HHAT: variants seen among roughly 807,000 people sequenced by gnomAD.
The protein encoded by HHAT is hedgehog acyltransferase.
A neutral mutation model predicts 70.8 loss-of-function variants in HHAT; 47 were observed. The observed-to-expected ratio is 0.66, with a 90% CI of 0.53 to 0.85. The LOEUF (loss-of-function observed/expected upper bound fraction) is 0.85. Ranked by LOEUF, HHAT falls within the 40% of genes least tolerant of loss-of-function variation. The probability of loss-of-function intolerance (pLI) is 0.00; values close to 1 mark genes in which losing one functional copy is unlikely to be tolerated. For missense variants in HHAT, 609 were observed against 604.8 expected, an observed-to-expected ratio of 1.01 and a Z score of -0.07; for synonymous variants, 228 against 247.6, an observed-to-expected ratio of 0.92 and a Z score of 0.74.
At chr1:210,442,705 T>C (rs1194295238) in intron 7 of HHAT, among the ~76,000 whole-genome samples, 1 of 152,238 alleles carries the variant, frequency 6.6e-6, no homozygotes, top group Non-Finnish European at 1.5e-5. Context: ...GTTGTTTGTT[T>C]CTTTCTTGTA....
At chr1:210,388,579 T>A (rs552986392) in intron 4 of HHAT, among the ~76,000 whole-genome samples, 1 of 152,288 alleles carries the variant, frequency 6.6e-6, no homozygotes, top group African/African-American at 2.4e-5. Flanking sequence ...AAGTGGCTGC[T>A]GAACTGGCAA....
chr1:210,329,037 A>G lies in HHAT; in HGVS notation c.-111A>G. On this transcript the variant is annotated 5_prime_UTR_variant, in exon 1 of 12. Transcript: ENST00000261458. ...TGTCGCTGGGACTCGGAAGTGCCGA[A>G]AGAGGGGTGTTGGGAACTCGCGGCG... The G allele has an allele frequency of 7.0e-7, 1 of 1,428,392 alleles. No homozygotes were observed. Among genetic ancestry groups the G allele is most frequent in the East Asian group, 3.0e-5 (1 of 33,132 alleles). 88.5% of individuals were successfully genotyped at this position (1,428,392 alleles called of 1,614,324 possible).
At chr1:210,436,207 T>C (rs1336794713) in intron 7 of HHAT, among the ~76,000 whole-genome samples, 7 of 151,868 alleles carry the variant, frequency 4.6e-5, no homozygotes, top group African/African-American at 1.7e-4. Context: ...CACCATTTAT[T>C]GAAGAGAGTG....
intron 11 of HHAT, among the ~76,000 whole-genome samples, chr1:210,663,941 T>G (rs2148966811): frequency 6.6e-6 from 1 of 152,362 alleles, no homozygotes; most frequent in African/African-American, 2.4e-5. Flanking sequence ...AAGTGACAGC[T>G]GACCATTTTT....
intron 3 of HHAT, among the ~76,000 whole-genome samples, chr1:210,366,078 G>GCAC (rs953918276): frequency 6.6e-6 from 1 of 152,050 alleles, no homozygotes; most frequent in Non-Finnish European, 1.5e-5. Flanking sequence ...CTACAGACAT[G>GCAC]CACCACCATA....
At chr1:210,502,241 G>A (rs557145698) in intron 8 of HHAT, among the ~76,000 whole-genome samples, 121 of 151,642 alleles carry the variant, frequency 8.0e-4, no homozygotes, top group African/African-American at 2.4e-3. Flanking sequence ...AAAATTAGCC[G>A]GGAGTGGTGG....
At chr1:210,359,971 C>T (rs1213124057) in intron 2 of HHAT, among the ~76,000 whole-genome samples, 1 of 152,202 alleles carries the variant, frequency 6.6e-6, no homozygotes, top group East Asian at 1.9e-4. Context: ...TTAAATTTCT[C>T]TATTGCAATT....
Position 210,464,805 on chromosome 1 carries a change from G to A in HHAT, c.1007+150G>A, listed in dbSNP as rs2094064517. 5.4e-6 allele frequency: 4 copies of A among 740,818 alleles called. No homozygotes were observed. In the African/African-American group the frequency reaches 7.1e-5, roughly 13 times the overall value. 45.9% of individuals were successfully genotyped at this position (740,818 alleles called of 1,614,324 possible). The stretch of plus-strand genomic sequence containing the variant: ...CATTTCTTCATCCTACTAACAGGAT[G>A]ACTAATCCATGCTTTCTGGGTCTCT... On this transcript the variant is annotated intron_variant, in intron 8 of 11. Transcript: ENST00000261458.
At chr1:210,374,250 C>CA (rs1020727377) in intron 3 of HHAT, 2 of 141,522 alleles carry the variant, frequency 1.4e-5, no homozygotes, top group Non-Finnish European at 3.1e-5. Context: ...TTTATTCGAT[C>CA]TGAAGAGAAA....
At chr1:210,384,367 C>T (rs910165451) in intron 3 of HHAT, among the ~76,000 whole-genome samples, 4 of 152,042 alleles carry the variant, frequency 2.6e-5, no homozygotes, top group South Asian at 2.1e-4. Context: ...TGGTACGGGG[C>T]GGGCTGAGCT....
chr1:210,378,792 C>G (rs1273652305), intron 3 of HHAT, among the ~76,000 whole-genome samples: 1 of 152,188 alleles, frequency 6.6e-6, no homozygotes, highest in South Asian at 2.1e-4. Context: ...TTGGGTTGAC[C>G]TAGCTGGTGT....
intron 7 of HHAT, 112 bp downstream of exon 7, chr1:210,418,437 T>G (rs2092792248): frequency 2.2e-6 from 2 of 913,118 alleles, no homozygotes; most frequent in Non-Finnish European, 3.2e-6. Flanking sequence ...TAGCAAACCC[T>G]CTTTATTATT....
At chr1:210,610,283 C>CA (rs1666319253) in intron 10 of HHAT, among the ~76,000 whole-genome samples, 1 of 152,152 alleles carries the variant, frequency 6.6e-6, no homozygotes, top group Admixed American at 6.5e-5. Flanking sequence ...TGATGTTGAG[C>CA]TTTTTAAAAA....
intron 1 of HHAT, among the ~76,000 whole-genome samples, chr1:210,330,374 G>C (rs906629219): frequency 7.2e-5 from 11 of 152,330 alleles, no homozygotes; most frequent in African/African-American, 2.6e-4. Context: ...AACTGGGAAA[G>C]ATAAGTGTTG....
intron 5 of HHAT, among the ~76,000 whole-genome samples, 163 bp downstream of exon 5, chr1:210,400,825 C>G (rs2092033146): frequency 6.6e-6 from 1 of 152,170 alleles, no homozygotes; most frequent in Non-Finnish European, 1.5e-5. Flanking sequence ...CCTAGTGGTG[C>G]ATTCTGCAAT....
At chr1:210,467,155 GCTA>G (rs905471709) in intron 8 of HHAT, among the ~76,000 whole-genome samples, 24 of 152,256 alleles carry the variant, frequency 1.6e-4, no homozygotes, top group African/African-American at 5.5e-4. Context: ...GATTTTCCAG[GCTA>G]CTAATTATAC....
chr1:210,635,728 T>C (rs963469365), intron 11 of HHAT, among the ~76,000 whole-genome samples: 3 of 152,218 alleles, frequency 2.0e-5, no homozygotes. Context: ...CATTATAGAT[T>C]AATTTCTGAA....
At chr1:210,376,014 A>ATTTTTTTTTTTTTTT (rs57707354) in intron 3 of HHAT, among the ~76,000 whole-genome samples, 5 of 108,886 alleles carry the variant, frequency 4.6e-5, no homozygotes, top group East Asian at 2.6e-4. Context: ...TGCACAGCTA[A>ATTTTTTTTTTTTTTT]TTTTTTTTTT....
chr1:210,634,333 G>A lies in HHAT; in HGVS notation c.1390+10663G>A, dbSNP rs1055144376. On this transcript the variant is annotated intron_variant, in intron 11 of 11. Transcript: ENST00000261458. ...TTTTTGCTGGGTAAACCTGATTTCCGTTTTTCCCCATTGTTTACATGTTGG... is the reference window on the plus strand; with the variant it reads ...TTTTTGCTGGGTAAACCTGATTTCCATTTTTCCCCATTGTTTACATGTTGG... Among the ~76,000 whole-genome samples, 20 of 152,128 alleles carry A rather than the reference G, an allele frequency of 1.3e-4. No homozygotes were observed. The East Asian group carries it at 2.3e-3, about 18-fold the overall frequency.
Sources: allele counts gnomAD v4.1 joint callset (sites outside exome capture counted in the v4.1 genomes callset), GRCh38; gene constraint gnomAD v4.1.1; transcripts MANE v1.5; gene names NCBI Gene and HGNC (gene_info 2026-07-23, HGNC 2026-07-21).